The following NELL2 variants were observed in gnomAD, a reference collection of about 807,000 sequenced individuals.
The protein encoded by NELL2 is neural EGFL like 2.
In NELL2, 41 loss-of-function variants were observed where a neutral mutation model predicts 109.6. The ratio of observed to expected loss-of-function variants is 0.37; its 90% confidence interval spans 0.29 to 0.49. The LOEUF (loss-of-function observed/expected upper bound fraction) is 0.49, where lower values mean the gene tolerates loss of function less well. Among genes scored for constraint, NELL2 ranks in the 20% least tolerant of loss-of-function variants. The probability of loss-of-function intolerance (pLI) is 0.98; values close to 1 mark genes in which losing one functional copy is unlikely to be tolerated. For synonymous variants in NELL2, 355 were observed against 344.7 expected (o/e 1.03, Z -0.33); for missense variants, 900 against 1,008.3 (o/e 0.89, Z 1.45).
At chr12:44,682,282 A>G (rs1183565502) in intron 12 of NELL2, among the ~76,000 whole-genome samples, 1 of 150,056 alleles carries the variant, frequency 6.7e-6, no homozygotes, top group Non-Finnish European at 1.5e-5. Flanking sequence ...TTTTTCTTGT[A>G]AATTTGTTTG....
chr12:44,644,295 T>A (rs1012295441), intron 13 of NELL2, among the ~76,000 whole-genome samples: 1 of 151,990 alleles, frequency 6.6e-6, no homozygotes. Context: ...GAGTTCACAG[T>A]GTGGCATGTA....
At chr12:44,783,728 T>C (rs183130570) in intron 3 of NELL2, among the ~76,000 whole-genome samples, 96 of 152,158 alleles carry the variant, frequency 6.3e-4, no homozygotes, top group African/African-American at 2.2e-3. Context: ...AGAAGTTTCA[T>C]TGCAGAATTT....
intron 15 of NELL2, among the ~76,000 whole-genome samples, chr12:44,568,721 A>G (rs1223373989): frequency 6.6e-6 from 1 of 152,028 alleles, no homozygotes; most frequent in African/African-American, 2.4e-5. Context: ...TATAGTATGT[A>G]TATGTGTACA....
At chr12:44,709,286 A>C (rs980786429) in intron 11 of NELL2, among the ~76,000 whole-genome samples, 2 of 152,130 alleles carry the variant, frequency 1.3e-5, no homozygotes, top group African/African-American at 4.8e-5. Flanking sequence ...TTCCAGACCT[A>C]GTATTTGAAG....
intron 9 of NELL2, among the ~76,000 whole-genome samples, chr12:44,729,996 G>T (rs1939285881): frequency 6.6e-6 from 1 of 152,066 alleles, no homozygotes. Flanking sequence ...ATGTTGGCCA[G>T]GCTATGACAC....
chr12:44,694,022 C>A (rs1948979544), intron 12 of NELL2, among the ~76,000 whole-genome samples: 1 of 152,142 alleles, frequency 6.6e-6, no homozygotes, highest in South Asian at 2.1e-4. Context: ...ATCAGAAATA[C>A]TTTTGCTCTT....
intron 13 of NELL2, among the ~76,000 whole-genome samples, chr12:44,637,633 G>C (rs1462604730): frequency 6.7e-6 from 1 of 148,936 alleles, no homozygotes; most frequent in Non-Finnish European, 1.5e-5. Context: ...GAGGGAATAC[G>C]CGTGTAAAGA....
intron 15 of NELL2, among the ~76,000 whole-genome samples, chr12:44,593,163 C>T (rs1418701123): frequency 6.6e-6 from 1 of 152,100 alleles, no homozygotes; most frequent in Non-Finnish European, 1.5e-5. Context: ...TACAATATAG[C>T]CCCTTGGGAG....
At chr12:44,559,831 A>T (rs1416774646) in intron 15 of NELL2, among the ~76,000 whole-genome samples, 1 of 152,216 alleles carries the variant, frequency 6.6e-6, no homozygotes, top group Non-Finnish European at 1.5e-5. Flanking sequence ...AAGTGGACTT[A>T]ATAGACATCT....
At chr12:44,614,487 A>G (rs1311248895) in intron 13 of NELL2, among the ~76,000 whole-genome samples, 1 of 152,026 alleles carries the variant, frequency 6.6e-6, no homozygotes, top group Non-Finnish European at 1.5e-5. Flanking sequence ...ATCTGTACAT[A>G]CAATGTAAAC....
At position 44,855,881 on chromosome 12, in the gene NELL2, T is replaced by C. The variant is rs115167113; in HGVS notation, c.184+19344A>G. On this transcript the variant is annotated intron_variant, in intron 2 of 19. Transcript: ENST00000429094. ...TATTCAAAGTTAAACAGAACTACCA[T>C]TTTTTCCATGCCTCTCCACCCTCTT... is the stretch of plus-strand genomic sequence containing the variant. 4.8e-3 allele frequency among the ~76,000 whole-genome samples: 738 copies of C among 152,254 alleles called. 6 individuals are homozygous for C. Among genetic ancestry groups the C allele is most frequent in the African/African-American group, 0.017 (694 of 41,546 alleles).
At chr12:44,888,409 T>C (rs1030929791) in intron 1 of NELL2, among the ~76,000 whole-genome samples, 4 of 145,432 alleles carry the variant, frequency 2.8e-5, no homozygotes, top group Admixed American at 7.0e-5. Context: ...AAAGTTAAAC[T>C]ATTTGACAAA....
chr12:44,885,037 G>C (rs973666905), intron 1 of NELL2, among the ~76,000 whole-genome samples: 5 of 151,976 alleles, frequency 3.3e-5, no homozygotes, highest in East Asian at 3.9e-4. Context: ...CCAGCACTTT[G>C]GGAGGCTGAG....
At chr12:44,541,144 G>C (rs936840094) in intron 15 of NELL2, among the ~76,000 whole-genome samples, 1 of 150,784 alleles carries the variant, frequency 6.6e-6, no homozygotes, top group Non-Finnish European at 1.5e-5. Context: ...CCAGCTACTC[G>C]GGAGGCTGAG....
intron 9 of NELL2, among the ~76,000 whole-genome samples, chr12:44,727,649 C>A (rs1346678522): frequency 2.6e-5 from 4 of 151,902 alleles, no homozygotes; most frequent in Non-Finnish European, 4.4e-5. Flanking sequence ...TGTACTTGTA[C>A]CTTGGGACAA....
In NELL2 at chr12:44,777,024, T is replaced by C; in HGVS notation, c.762+18A>G. The stretch of plus-strand genomic sequence containing the variant: ...AGGATTTTTAAGCTTCCACACTGTA[T>C]TCTTGAGTAGCTTTTACCTTGGCTG... On this transcript the variant is annotated intron_variant, in intron 7 of 19. Transcript: ENST00000429094. The C allele has an allele frequency of 6.2e-7, 1 of 1,610,716 alleles. No homozygotes were observed. The highest frequency in any genetic ancestry group is 1.3e-5 in the African/African-American group (1 of 74,990).
intron 19 of NELL2, among the ~76,000 whole-genome samples, chr12:44,511,904 T>C (rs1367532443): frequency 1.3e-5 from 2 of 152,110 alleles, no homozygotes; most frequent in Non-Finnish European, 2.9e-5. Flanking sequence ...AGACAAATGC[T>C]TCAGGACACA....
intron 15 of NELL2, among the ~76,000 whole-genome samples, chr12:44,548,506 C>A (rs1483139451): frequency 1.3e-5 from 2 of 150,488 alleles, no homozygotes; most frequent in South Asian, 4.2e-4. Context: ...CATCGCACCA[C>A]TGCACACCAG....
chr12:44,708,780 T>A (rs1938029328), intron 11 of NELL2, among the ~76,000 whole-genome samples: 1 of 152,180 alleles, frequency 6.6e-6, no homozygotes, highest in South Asian at 2.1e-4. Context: ...AGGGATTTTT[T>A]AAAAATAGTA....
Sources: gnomAD v4.1 joint callset for allele counts (sites outside exome capture counted in the v4.1 genomes callset) on GRCh38, gnomAD v4.1.1 for gene constraint, MANE v1.5 for transcripts, NCBI Gene and HGNC (gene_info 2026-07-23, HGNC 2026-07-21) for gene names.